DNAH6: variants seen among roughly 807,000 people sequenced by gnomAD.
The protein encoded by DNAH6 is dynein axonemal heavy chain 6.
A neutral mutation model predicts 491.4 loss-of-function variants in DNAH6; 340 were observed. The ratio of observed to expected loss-of-function variants is 0.69; its 90% CI spans 0.63 to 0.76. The LOEUF is 0.76. Ranked by LOEUF, DNAH6 falls within the 30% of genes least tolerant of loss-of-function variation. The probability of loss-of-function intolerance (pLI) is 0.00; values close to 1 mark genes in which losing one functional copy is unlikely to be tolerated. For synonymous variants in DNAH6, 1,603 were observed against 1,686.1 expected (o/e 0.95, Z 1.21); for missense variants, 4,443 against 4,972.2 (o/e 0.89, Z 3.20).
intron 70 of DNAH6, among the ~76,000 whole-genome samples, chr2:84,805,444 T>C (rs1323286008): frequency 6.6e-6 from 1 of 152,166 alleles, no homozygotes; most frequent in African/African-American, 2.4e-5. Flanking sequence ...GCACTAGAGA[T>C]CTTTTGTGCA....
the DNAH6 span, among the ~76,000 whole-genome samples, chr2:84,480,702 C>T: frequency 1.3e-5 from 2 of 152,230 alleles, no homozygotes; most frequent in Non-Finnish European, 2.9e-5. Flanking sequence ...GTGGCTCACG[C>T]CTGTAATCCC....
chr2:84,793,843 T>C (rs1678029726), intron 68 of DNAH6, among the ~76,000 whole-genome samples: 1 of 152,228 alleles, frequency 6.6e-6, no homozygotes, highest in Non-Finnish European at 1.5e-5. Flanking sequence ...GATATGCAGA[T>C]AAAGACATTG....
At chr2:84,545,090 G>A (rs1049988852) in intron 5 of DNAH6, among the ~76,000 whole-genome samples, 1 of 152,024 alleles carries the variant, frequency 6.6e-6, no homozygotes, top group African/African-American at 2.4e-5. Context: ...TGGCCCCTAG[G>A]AATAAACTGC....
At chr2:84,704,396 A>T in intron 51 of DNAH6, 94 bp downstream of exon 51, 1 of 909,216 alleles carries the variant, frequency 1.1e-6, no homozygotes, top group Non-Finnish European at 1.7e-6. Flanking sequence ...TCCCTTCTCC[A>T]CCTTCTCATT....
chr2:84,612,110 A>G (rs1437068691), intron 22 of DNAH6, among the ~76,000 whole-genome samples: 1 of 151,812 alleles, frequency 6.6e-6, no homozygotes, highest in Non-Finnish European at 1.5e-5. Flanking sequence ...GAATCTGCCT[A>G]TTTTTGCTGT....
At chr2:84,515,761 C>T, upstream of DNAH6, among the ~76,000 whole-genome samples, 1 of 152,304 alleles carries the variant, frequency 6.6e-6, no homozygotes, top group East Asian at 1.9e-4. Context: ...GCAACAGGCC[C>T]TGGCCTTCGA....
intron 68 of DNAH6, among the ~76,000 whole-genome samples, chr2:84,788,171 ACTC>A (rs1253088172): frequency 2.0e-5 from 3 of 152,094 alleles, no homozygotes; most frequent in African/African-American, 7.2e-5. Context: ...GTTACTTTGT[ACTC>A]CTGCCCCAAG....
chr2:84,709,284 G>A, intron 54 of DNAH6, 59 bp from the exon 55 acceptor site: 8 of 1,517,844 alleles, frequency 5.3e-6, no homozygotes, highest in Non-Finnish European at 7.1e-6. Context: ...CATTTTGCAT[G>A]TGCCCTCGTT....
chr2:84,717,742 G>GT (rs1462312281), intron 58 of DNAH6, among the ~76,000 whole-genome samples: 1 of 152,174 alleles, frequency 6.6e-6, no homozygotes, highest in African/African-American at 2.4e-5. Context: ...TGAAGCTGGA[G>GT]GTAAGGCTCC....
intron 64 of DNAH6, among the ~76,000 whole-genome samples, chr2:84,768,863 G>A (rs529044203): frequency 7.5e-4 from 114 of 152,262 alleles, no homozygotes; most frequent in Non-Finnish European, 1.0e-3. Flanking sequence ...CAAGGACCAA[G>A]AATAACCAAG....
intron 15 of DNAH6, 57 bp from the exon 16 acceptor site, chr2:84,588,769 A>C (rs1683806955): frequency 7.3e-7 from 1 of 1,377,126 alleles, no homozygotes; most frequent in South Asian, 1.6e-5. Context: ...CATTTAATTT[A>C]ATTGGTCTTT....
chr2:84,720,539 A>G (rs1255292126), intron 59 of DNAH6, among the ~76,000 whole-genome samples: 2 of 151,710 alleles, frequency 1.3e-5, no homozygotes, highest in Non-Finnish European at 2.9e-5. Context: ...CGGCCTCCCA[A>G]AGTGCTGGGA....
At chr2:84,616,796 T>C in intron 22 of DNAH6, 90 bp from the exon 23 acceptor site, 4 of 575,146 alleles carry the variant, frequency 7.0e-6, no homozygotes, top group Non-Finnish European at 1.1e-5. Flanking sequence ...AGAAGATTCA[T>C]AAATTGATTA....
chr2:84,632,600 AGTATG>A (rs1688510184), intron 29 of DNAH6, among the ~76,000 whole-genome samples: 1 of 152,252 alleles, frequency 6.6e-6, no homozygotes, highest in Non-Finnish European at 1.5e-5. Flanking sequence ...ATGTATGCTA[AGTATG>A]AAGACCATTC....
At position 84,653,635 on chromosome 2, in the gene DNAH6, G is replaced by T. The variant is rs1244104643; in HGVS notation, c.5395G>T (p.Gly1799Cys). 2 of 1,551,194 alleles carry T rather than the reference G, an allele frequency of 1.3e-6. No individual in the cohort carries two copies. Among genetic ancestry groups the T allele is most frequent in the Non-Finnish European group, 1.7e-6 (2 of 1,146,676 alleles). Reference protein sequence around the residue: ...YVLNPKSITMGELYGEVNNLT... With the variant: ...YVLNPKSITMCELYGEVNNLT... ...TCTCAACCCTAAATCAATTACCATG[G>T]GTGAATTATATGGAGAGGTTAATAA... Residue 1799 changes from glycine to cysteine, a missense_variant, in exon 34 of 77, where the codon GGT (glycine) becomes TGT (cysteine). Physicochemically the swap from Gly to Cys is radical, Grantham distance 159 (BLOSUM62 -3). Coordinates refer to ENST00000389394, the MANE Select transcript of DNAH6 (RefSeq NM_001370.2).
chr2:84,718,478 G>C, intron 59 of DNAH6, 94 bp downstream of exon 59: 1 of 1,058,474 alleles, frequency 9.4e-7, no homozygotes, highest in South Asian at 2.3e-5. Flanking sequence ...TTTAAAGCAA[G>C]ACGGGGGCCA....
chr2:84,649,926 G>A (rs1690266462), intron 33 of DNAH6, among the ~76,000 whole-genome samples: 1 of 152,056 alleles, frequency 6.6e-6, no homozygotes. Flanking sequence ...CCCCAGAACT[G>A]AAAATAAAAC....
Position 84,669,484 on chromosome 2 carries a change from T to A in DNAH6, c.6280T>A (p.Phe2094Ile). Residue 2094 changes from phenylalanine to isoleucine, a missense_variant, in exon 38 of 77, where the codon TTT (phenylalanine) becomes ATT (isoleucine). Physicochemically the swap from Phe to Ile is conservative, Grantham distance 21. This residue lies in a region of DNAH6 where 2,977 missense variants were observed against 3,296.6 expected (regional missense o/e 0.90). Transcript: ENST00000389394. ...KLLAVKHSVL[F>I]TGITGVGKSV... Reference sequence around the variant, plus strand: ...ACTGGCAGTCAAGCATTCCGTGTTGTTTACTGGAATAACTGGAGTGGGCAA... The same window carrying A: ...ACTGGCAGTCAAGCATTCCGTGTTGATTACTGGAATAACTGGAGTGGGCAA... 6.4e-7 allele frequency: 1 copy of A among 1,551,738 alleles called. No homozygotes were observed. Among genetic ancestry groups the A allele is most frequent in the Non-Finnish European group, 8.7e-7 (1 of 1,146,956 alleles).
In DNAH6 at chr2:84,517,846, A is replaced by G. The variant is rs372631706; in HGVS notation, c.20A>G (p.Asp7Gly). The change falls in exon 2 of 77, where the codon GAT becomes GGT. Residue 7 changes from aspartate to glycine, a missense_variant. Around this residue, in one of 3 missense-constraint regions of DNAH6, gnomAD observed 2,977 missense variants for 3,296.6 expected, o/e 0.90. Transcript: ENST00000389394. MTFRAT[D>G]SEFDLTNIEE... Reference sequence around the variant, plus strand: ...GTAAGGATGACTTTTCGGGCCACAGATAGTGAATTTGACCTGACAAATATT... The same window carrying G: ...GTAAGGATGACTTTTCGGGCCACAGGTAGTGAATTTGACCTGACAAATATT... 1.5e-5 allele frequency: 23 copies of G among 1,551,474 alleles called. 1 individual carries two copies. The South Asian group carries it at 2.6e-4, about 18-fold the overall frequency.
Sources: gnomAD v4.1 joint callset for allele counts (sites outside exome capture counted in the v4.1 genomes callset) on GRCh38, gnomAD v4.1.1 for gene constraint, gnomAD v4.1.1 regional missense constraint, MANE v1.5 for transcripts, NCBI Gene and HGNC (gene_info 2026-07-23, HGNC 2026-07-21) for gene names.